FSTL5: variants seen among roughly 807,000 people sequenced by gnomAD.
The protein encoded by FSTL5 is follistatin-related protein 5.
Under a neutral mutation model 89.1 loss-of-function variants are expected in FSTL5, and 62 were observed. That is an observed-to-expected ratio of 0.70 (90% CI 0.57 to 0.86). FSTL5 has a LOEUF of 0.86. FSTL5 is among the 40% of genes least tolerant of loss of function. The pLI is 0.00. For synonymous variants in FSTL5, 383 were observed against 346.2 expected, an observed-to-expected ratio of 1.11 and a Z score of -1.18; for missense variants, 1,057 against 1,001.6, an observed-to-expected ratio of 1.06 and a Z score of -0.75.
intron 5 of FSTL5, among the ~76,000 whole-genome samples, chr4:161,765,456 T>C (rs1740960422): frequency 6.6e-6 from 1 of 152,226 alleles, no homozygotes; most frequent in African/African-American, 2.4e-5. Flanking sequence ...CAAATACTTA[T>C]AATTGTGAAA....
intron 15 of FSTL5, among the ~76,000 whole-genome samples, chr4:161,453,813 C>T (rs1037923633): frequency 6.6e-6 from 1 of 151,996 alleles, no homozygotes; most frequent in Non-Finnish European, 1.5e-5. Context: ...AGGCTGGTTT[C>T]GAACTCCTGT....
At chr4:161,862,828 A>G (rs1340828587) in intron 4 of FSTL5, among the ~76,000 whole-genome samples, 2 of 152,236 alleles carry the variant, frequency 1.3e-5, no homozygotes, top group East Asian at 3.8e-4. Context: ...TGAATAATTT[A>G]CAAATGTACT....
At chr4:161,603,755 C>A (rs569124260) in intron 7 of FSTL5, among the ~76,000 whole-genome samples, 1 of 152,040 alleles carries the variant, frequency 6.6e-6, no homozygotes, top group Non-Finnish European at 1.5e-5. Flanking sequence ...AGAGACAGAA[C>A]GTCTCCGAGA....
chr4:161,733,336 A>G (rs531783779), intron 6 of FSTL5, among the ~76,000 whole-genome samples: 1 of 152,082 alleles, frequency 6.6e-6, no homozygotes, highest in South Asian at 2.1e-4. Context: ...GTTTGTATTG[A>G]CATTATATTC....
At chr4:161,960,821 T>G (rs1735155231) in intron 3 of FSTL5, among the ~76,000 whole-genome samples, 1 of 151,898 alleles carries the variant, frequency 6.6e-6, no homozygotes, top group Admixed American at 6.6e-5. Context: ...TTTAAAATAA[T>G]AATTACCTCA....
intron 1 of FSTL5, among the ~76,000 whole-genome samples, chr4:162,151,423 A>G (rs1733220860): frequency 6.6e-6 from 1 of 152,182 alleles, no homozygotes; most frequent in Non-Finnish European, 1.5e-5. Flanking sequence ...ACTTTGTGCC[A>G]GTTTTAAAAG....
chr4:161,987,969 A>G (rs1736012618), intron 3 of FSTL5, among the ~76,000 whole-genome samples: 1 of 35,570 alleles, frequency 2.8e-5, no homozygotes, highest in Admixed American at 2.8e-4. Context: ...AGGTAAAGAA[A>G]CTTACTTTAT....
chr4:161,429,791 A>C (rs1314611510), intron 15 of FSTL5, among the ~76,000 whole-genome samples: 1 of 152,138 alleles, frequency 6.6e-6, no homozygotes, highest in Admixed American at 6.5e-5. Context: ...AATATATATA[A>C]AACTCTTTAA....
chr4:161,879,958 T>C (rs1276823222), intron 4 of FSTL5, among the ~76,000 whole-genome samples: 1 of 152,206 alleles, frequency 6.6e-6, no homozygotes, highest in Non-Finnish European at 1.5e-5. Context: ...GATGTTAATC[T>C]CTTAAATGTT....
At chr4:162,030,742 A>C (rs1737489620) in intron 3 of FSTL5, among the ~76,000 whole-genome samples, 1 of 152,216 alleles carries the variant, frequency 6.6e-6, no homozygotes, top group Non-Finnish European at 1.5e-5. Context: ...AACTTTATTA[A>C]GTTGGCAGAC....
chr4:161,419,205 G>A (rs1731895974), intron 15 of FSTL5, among the ~76,000 whole-genome samples: 1 of 152,082 alleles, frequency 6.6e-6, no homozygotes, highest in Non-Finnish European at 1.5e-5. Flanking sequence ...TCTCTCTTCT[G>A]GCACTAGTCA....
chr4:161,996,449 A>T (rs1578930797), intron 3 of FSTL5, among the ~76,000 whole-genome samples: 1 of 151,300 alleles, frequency 6.6e-6, no homozygotes. Context: ...CCTATCCCAA[A>T]CCTCCCCCAC....
At chr4:162,016,735 T>C (rs1344927222) in intron 3 of FSTL5, among the ~76,000 whole-genome samples, 1 of 152,236 alleles carries the variant, frequency 6.6e-6, no homozygotes, top group East Asian at 1.9e-4. Context: ...TATAATGTTA[T>C]ACTACATCAG....
At chr4:162,137,151 A>G (rs1430977544) in intron 1 of FSTL5, among the ~76,000 whole-genome samples, 1 of 152,140 alleles carries the variant, frequency 6.6e-6, no homozygotes, top group African/African-American at 2.4e-5. Flanking sequence ...AATAGTCATC[A>G]TCATAATTCT....
At chr4:161,657,160 A>G (rs777601411) in intron 6 of FSTL5, among the ~76,000 whole-genome samples, 2 of 152,316 alleles carry the variant, frequency 1.3e-5, no homozygotes, top group Middle Eastern at 3.4e-3. Context: ...CTATTGCTGG[A>G]CAACATTATT....
chr4:161,777,652 A>G (rs1336465755), intron 4 of FSTL5, among the ~76,000 whole-genome samples: 4 of 151,928 alleles, frequency 2.6e-5, no homozygotes, highest in Non-Finnish European at 5.9e-5. Context: ...TTTTATTTTT[A>G]AGCATTAAGT....
chr4:161,874,094 T>C lies in FSTL5; in HGVS notation c.409+46310A>G, dbSNP rs1354923229. Among the ~76,000 whole-genome samples the C allele has an allele frequency of 2.0e-5, 3 of 152,074 alleles. No homozygotes were observed. The East Asian group carries it at 5.8e-4, about 29-fold the overall frequency. On this transcript the variant is annotated intron_variant, in intron 4 of 15. Transcript: ENST00000306100. ...TATTGTGTTATTGAGTATGAATATA[T>C]TTAAATATATTAGATGATACAAACT...
At chr4:161,576,581 T>G (rs1345977041) in intron 8 of FSTL5, among the ~76,000 whole-genome samples, 2 of 152,210 alleles carry the variant, frequency 1.3e-5, no homozygotes, top group Non-Finnish European at 2.9e-5. Context: ...AATGATTCCC[T>G]ATTTAATAAA....
At chr4:162,029,635 G>A (rs1231713352) in intron 3 of FSTL5, among the ~76,000 whole-genome samples, 4 of 152,192 alleles carry the variant, frequency 2.6e-5, no homozygotes, top group African/African-American at 9.6e-5. Context: ...ACACTATTGT[G>A]ATGTGTTTAT....
Sources: gnomAD v4.1 joint callset for allele counts (sites outside exome capture counted in the v4.1 genomes callset) on GRCh38, gnomAD v4.1.1 for gene constraint, MANE v1.5 for transcripts, NCBI Gene and HGNC (gene_info 2026-07-23, HGNC 2026-07-21) for gene names.